EFCAB13: variants seen among roughly 807,000 people sequenced by gnomAD.
The protein encoded by EFCAB13 is EF-hand calcium-binding domain-containing protein 13.
EFCAB13 carries 91 observed loss-of-function variants against 110.2 expected under a neutral mutation model. That is an observed-to-expected ratio of 0.83 (90% CI 0.70 to 0.98). EFCAB13 has a LOEUF of 0.98. Ranked by LOEUF, EFCAB13 falls within the 50% of genes least tolerant of loss-of-function variation. EFCAB13 has a pLI of 0.00. For synonymous variants in EFCAB13, 323 were observed against 369.9 expected, an observed-to-expected ratio of 0.87 and a Z score of 1.45; for missense variants, 968 against 1,119.4, an observed-to-expected ratio of 0.86 and a Z score of 1.93.
At position 47,345,031 on chromosome 17, in the gene EFCAB13, G is replaced by C; in HGVS notation, c.450G>C (p.Leu150=). 6.2e-7 allele frequency: 1 copy of C among 1,605,406 alleles called. No individual in the cohort carries two copies. Among genetic ancestry groups the C allele is most frequent in the Admixed American group, 1.7e-5 (1 of 58,762 alleles). ...SSAITREKEM[L]SNLYMTLYDE... ...TCTTTGACAGGGAAAAGGAAATGCTGTCTAACCTCTACATGACATTATATG... is the reference window on the plus strand; with the variant it reads ...TCTTTGACAGGGAAAAGGAAATGCTCTCTAACCTCTACATGACATTATATG... Residue 150 remains leucine (L), a synonymous_variant, in exon 8 of 25, where the codon CTG becomes CTC. Transcript: ENST00000331493.
At chr17:47,408,047 A>G (rs2065814510) in intron 20 of EFCAB13, among the ~76,000 whole-genome samples, 1 of 152,130 alleles carries the variant, frequency 6.6e-6, no homozygotes. Flanking sequence ...GAGTATTTAT[A>G]TATTTGTGGC....
intron 23 of EFCAB13, among the ~76,000 whole-genome samples, chr17:47,415,362 A>G (rs937738350): frequency 5.3e-5 from 8 of 152,160 alleles, no homozygotes; most frequent in African/African-American, 1.7e-4. Flanking sequence ...CATTGTGCAC[A>G]TGTACCCTAA....
chr17:47,404,747 A>G, intron 20 of EFCAB13, 114 bp downstream of exon 20: 1 of 622,036 alleles, frequency 1.6e-6, no homozygotes, highest in Non-Finnish European at 2.6e-6. Flanking sequence ...TCTGTGCCAA[A>G]TGTTTGCTTC....
chr17:47,352,763 C>A (rs957358678), intron 9 of EFCAB13, among the ~76,000 whole-genome samples: 1 of 152,102 alleles, frequency 6.6e-6, no homozygotes, highest in Non-Finnish European at 1.5e-5. Flanking sequence ...TTTATTTCAT[C>A]ACTGTTTTGT....
At position 47,341,976 on chromosome 17, in the gene EFCAB13, GA is replaced by G. The variant is rs752272964; in HGVS notation, c.255del (p.Val86LeufsTer22). 18 of 1,594,814 alleles carry G rather than the reference GA, an allele frequency of 1.1e-5. No homozygotes were observed. The highest frequency in any genetic ancestry group is 4.6e-5 in the South Asian group (4 of 86,906). ...AGAAAAGTCCTCTGATTTTTCAGGA[GA>G]AAAAAAAGTTGGGAGAAAGAGTTTA... ...GEEKSSDFSGEKKVGRKSLQV... is the reference protein window; with the variant it reads ...GEEKSSDFSGXKKVGRKSLQV... On this transcript the variant is annotated frameshift_variant, in exon 6 of 25. Coordinates refer to ENST00000331493, the MANE Select transcript of EFCAB13 (RefSeq NM_152347.5). LOFTEE classifies it high-confidence loss of function.
In EFCAB13 at chr17:47,331,489, C is replaced by T. The variant is rs113148499; in HGVS notation, c.30+3106C>T. Among the ~76,000 whole-genome samples the T allele has an allele frequency of 8.6e-3, 1,308 of 152,148 alleles. 12 individuals carry two copies. The highest frequency in any genetic ancestry group is 0.027 in the African/African-American group (1,116 of 41,536). On this transcript the variant is annotated intron_variant, in intron 4 of 24. Transcript: ENST00000331493. Reference sequence around the variant, plus strand: ...AAAATAGAGAGTTACCATATACCTACTGCCCCTATACATGCACAGCTTACC... The same window carrying T: ...AAAATAGAGAGTTACCATATACCTATTGCCCCTATACATGCACAGCTTACC...
At chr17:47,419,682 G>C (rs886835632) in intron 23 of EFCAB13, among the ~76,000 whole-genome samples, 1 of 152,100 alleles carries the variant, frequency 6.6e-6, no homozygotes, top group African/African-American at 2.4e-5. Flanking sequence ...TGAGTCAATA[G>C]TTTATTGGTT....
intron 24 of EFCAB13, among the ~76,000 whole-genome samples, chr17:47,435,381 T>C (rs987607291): frequency 6.6e-6 from 1 of 151,992 alleles, no homozygotes; most frequent in Non-Finnish European, 1.5e-5. Context: ...GATGTCGGCA[T>C]GGATGTGGTG....
intron 5 of EFCAB13, among the ~76,000 whole-genome samples, chr17:47,336,513 G>A (rs529809356): frequency 5.3e-5 from 8 of 151,658 alleles, no homozygotes; most frequent in African/African-American, 1.9e-4. Context: ...TGATGGTCTC[G>A]ATCTCCTGAC....
intron 4 of EFCAB13, among the ~76,000 whole-genome samples, chr17:47,334,145 T>G (rs940809128): frequency 6.6e-6 from 1 of 152,016 alleles, no homozygotes; most frequent in Non-Finnish European, 1.5e-5. Flanking sequence ...TTGTTAAAAT[T>G]TCATCATTCT....
At chr17:47,379,021 CT>C (rs1199778678) in intron 13 of EFCAB13, among the ~76,000 whole-genome samples, 160 bp from the exon 14 acceptor site, 4 of 151,970 alleles carry the variant, frequency 2.6e-5, no homozygotes, top group African/African-American at 4.8e-5. Context: ...TTCAAATGAA[CT>C]GACTTAATCT....
At chr17:47,433,945 G>C (rs1416915777) in intron 24 of EFCAB13, among the ~76,000 whole-genome samples, 1 of 151,824 alleles carries the variant, frequency 6.6e-6, no homozygotes, top group African/African-American at 2.4e-5. Flanking sequence ...AAATCCTTTT[G>C]GTGTGATAAG....
chr17:47,399,027 A>T (rs1013866302), intron 17 of EFCAB13, among the ~76,000 whole-genome samples: 2 of 152,126 alleles, frequency 1.3e-5, no homozygotes, highest in African/African-American at 4.8e-5. Context: ...GGTTCAAGCG[A>T]TTCTGCTGCC....
chr17:47,386,548 A>G (rs1014061054), intron 14 of EFCAB13, among the ~76,000 whole-genome samples: 5 of 152,040 alleles, frequency 3.3e-5, no homozygotes, highest in African/African-American at 1.2e-4. Context: ...ATTTTAACCC[A>G]GTGGTTCTTA....
chr17:47,400,917 G>A (rs1313946732), intron 17 of EFCAB13, among the ~76,000 whole-genome samples: 1 of 152,136 alleles, frequency 6.6e-6, no homozygotes, highest in Admixed American at 6.5e-5. Context: ...TAACCTTGTT[G>A]ACTGATGTGA....
chr17:47,437,322 T>C (rs1905233166), intron 24 of EFCAB13, among the ~76,000 whole-genome samples: 1 of 152,200 alleles, frequency 6.6e-6, no homozygotes, highest in African/African-American at 2.4e-5. Flanking sequence ...TTGTTGACTT[T>C]CTATCTTGAT....
rs2065403584 is a variant in EFCAB13 at position 47,344,392 on chromosome 17, G to A, written c.434+100G>A. ...CCTTCCACATAAAGAATATGAAGTA[G>A]TTTATGCTAATTATGCTGTTAGGAT... On this transcript the variant is annotated intron_variant, in intron 7 of 24. Coordinates refer to ENST00000331493, the MANE Select transcript of EFCAB13 (RefSeq NM_152347.5). 12 of 1,372,434 alleles carry A rather than the reference G, an allele frequency of 8.7e-6. No homozygotes were observed. The South Asian group carries it at 1.4e-4, about 16-fold the overall frequency. 85.0% of individuals were successfully genotyped at this position (1,372,434 alleles called of 1,614,324 possible).
At chr17:47,391,286 T>C in intron 14 of EFCAB13, 151 bp from the exon 15 acceptor site, 1 of 461,174 alleles carries the variant, frequency 2.2e-6, no homozygotes. Flanking sequence ...ACTTTTTTTA[T>C]TAAAGATTCT....
intron 20 of EFCAB13, 150 bp downstream of exon 20, chr17:47,404,783 T>C: frequency 2.2e-6 from 1 of 462,028 alleles, no homozygotes; most frequent in Non-Finnish European, 3.8e-6. Flanking sequence ...CTTTCAGTTA[T>C]GGGGAACTTC....
Sources: allele counts gnomAD v4.1 joint callset (sites outside exome capture counted in the v4.1 genomes callset), GRCh38; gene constraint gnomAD v4.1.1; transcripts MANE v1.5; gene names NCBI Gene and HGNC (gene_info 2026-07-23, HGNC 2026-07-21).